ATRN: variants seen among roughly 807,000 people sequenced by gnomAD.
The protein encoded by ATRN is attractin, also known as attractin-2.
In ATRN, 54 loss-of-function variants were observed where a neutral mutation model predicts 178.7. The ratio of observed to expected loss-of-function variants is 0.30; its 90% CI spans 0.24 to 0.38. The LOEUF is 0.38. ATRN is among the 10% of genes least tolerant of loss of function. ATRN has a pLI of 1.00. For synonymous variants in ATRN, 636 were observed against 663.0 expected, an observed-to-expected ratio of 0.96 and a Z score of 0.63; for missense variants, 1,443 against 1,815.1, an observed-to-expected ratio of 0.79 and a Z score of 3.73.
chr20:3,591,393 G>T (rs1402035932), intron 19 of ATRN, 87 bp downstream of exon 19: 1 of 1,472,048 alleles, frequency 6.8e-7, no homozygotes, highest in East Asian at 2.4e-5. Context: ...GAGGAAAAAA[G>T]CCACTTTGTT....
At chr20:3,624,319 A>G (rs74485712) in intron 24 of ATRN, among the ~76,000 whole-genome samples, 192 bp from the exon 25 acceptor site, 1,902 of 152,366 alleles carry the variant, frequency 0.012, 28 homozygotes, top group Non-Finnish European at 0.016. Flanking sequence ...CTAAAGCCTC[A>G]GTGTATTGCT....
intron 26 of ATRN, among the ~76,000 whole-genome samples, chr20:3,635,192 G>T (rs983883711): frequency 6.6e-6 from 1 of 151,848 alleles, no homozygotes; most frequent in African/African-American, 2.4e-5. Context: ...TGATACAGTG[G>T]ATTTTGAGGA....
chr20:3,644,210 C>T lies in ATRN; in HGVS notation c.4107C>T (p.Leu1369=), dbSNP rs538248443. ...GTTTTGGCAACAAAGCCGCTGTCCT[C>T]TCTGTGTTTGTGAGGCTCCCTCGAG... ...EPCFGNKAAV[L]SVFVRLPRGL... The change falls in exon 28 of 29, where the codon CTC becomes CTT. Residue 1369 remains leucine (L), a synonymous_variant. Coordinates refer to ENST00000262919, the MANE Select transcript of ATRN (RefSeq NM_139321.3). 24 of 1,614,228 alleles carry T rather than the reference C, an allele frequency of 1.5e-5. No individual in the cohort carries two copies. The highest frequency in any genetic ancestry group is 1.9e-5 in the Non-Finnish European group (22 of 1,180,042).
At chr20:3,616,245 C>T (rs2086845773) in intron 24 of ATRN, among the ~76,000 whole-genome samples, 1 of 152,132 alleles carries the variant, frequency 6.6e-6, no homozygotes, top group Non-Finnish European at 1.5e-5. Context: ...TTGTCTCTAG[C>T]AGACTTCTCT....
intron 16 of ATRN, among the ~76,000 whole-genome samples, chr20:3,583,462 A>G (rs1003685834): frequency 1.3e-5 from 2 of 152,070 alleles, no homozygotes; most frequent in Non-Finnish European, 2.9e-5. Context: ...ATTGTTTTCT[A>G]TTTTCTCTCA....
intron 1 of ATRN, among the ~76,000 whole-genome samples, chr20:3,513,304 T>G (rs151508): frequency 0.27 from 40,588 of 152,120 alleles, 5,964 homozygotes; most frequent in African/African-American, 0.33. Context: ...AAGGAAGGGA[T>G]CCAGTTTCAG....
intron 1 of ATRN, among the ~76,000 whole-genome samples, chr20:3,475,159 T>G (rs1568675393): frequency 6.6e-6 from 1 of 152,214 alleles, no homozygotes; most frequent in Non-Finnish European, 1.5e-5. Flanking sequence ...TAAAAGACAT[T>G]AAATGAATAC....
chr20:3,616,734 A>C (rs984205936), intron 24 of ATRN, among the ~76,000 whole-genome samples: 1 of 152,142 alleles, frequency 6.6e-6, no homozygotes, highest in African/African-American at 2.4e-5. Context: ...CACTGGCAGC[A>C]GTTGGGAGTG....
rs1379509750 is a variant in ATRN, at chr20:3,471,035, G to T, written c.-73G>T. On this transcript the variant is annotated 5_prime_UTR_variant, in exon 1 of 29. Transcript: ENST00000262919. ...CCGTCCGCACAGCCCCGCCCCGCACGGCCAGGCGAAGCGGAGCCGGCCGTG... is the reference window on the plus strand; with the variant it reads ...CCGTCCGCACAGCCCCGCCCCGCACTGCCAGGCGAAGCGGAGCCGGCCGTG... 2.8e-6 allele frequency: 4 copies of T among 1,406,384 alleles called. No homozygotes were observed. The highest frequency in any genetic ancestry group is 1.5e-5 in the South Asian group (1 of 65,508). The allele number at this position is 1,406,384 out of a possible 1,614,324, so 87.1% of individuals were successfully genotyped here.
intron 1 of ATRN, among the ~76,000 whole-genome samples, chr20:3,498,009 G>A (rs1349415212): frequency 2.0e-5 from 3 of 151,970 alleles, no homozygotes; most frequent in Non-Finnish European, 2.9e-5. Flanking sequence ...TATCACCACC[G>A]ATCCCACAGA....
intron 6 of ATRN, among the ~76,000 whole-genome samples, chr20:3,550,955 CT>C (rs1410237525): frequency 6.6e-6 from 1 of 152,224 alleles, no homozygotes; most frequent in East Asian, 1.9e-4. Flanking sequence ...ACTGCAGCCC[CT>C]CCATAATCTC....
In ATRN at chr20:3,644,176, T is replaced by G. The variant is rs991807804; in HGVS notation, c.4073T>G (p.Leu1358Arg). Residue 1358 changes from leucine (L) to arginine (R), a missense_variant, in exon 28 of 29, where the codon CTG (leucine) becomes CGG (arginine). Leu to Arg is a moderately radical substitution (Grantham distance 102, BLOSUM62 -2). This residue lies in a region of ATRN where 289 missense variants were observed against 440.8 expected (regional missense o/e 0.66). Coordinates refer to ENST00000262919, the MANE Select transcript of ATRN (RefSeq NM_139321.3). ...CAGACTGTTCCCAAACCCATTGCACTGGAGCCGTGTTTTGGCAACAAAGCC... is the reference window on the plus strand; with the variant it reads ...CAGACTGTTCCCAAACCCATTGCACGGGAGCCGTGTTTTGGCAACAAAGCC... ...SIKTVPKPIA[L>R]EPCFGNKAAV... The G allele has an allele frequency of 2.2e-5, 36 of 1,614,060 alleles. No individual in the cohort carries two copies. Among genetic ancestry groups the G allele is most frequent in the Non-Finnish European group, 3.0e-5 (35 of 1,179,986 alleles).
rs148562814 is a variant in ATRN at position 3,559,470 on chromosome 20, T to C, written c.1190T>C (p.Leu397Ser). ...NNVVVRYGHS[L>S]ALYKDKIYMY... ...GTGGTTGTTAGATATGGTCATTCTTTGGCATTATACAAGGTAAAGCATCTC... is the reference window on the plus strand; with the variant it reads ...GTGGTTGTTAGATATGGTCATTCTTCGGCATTATACAAGGTAAAGCATCTC... Residue 397 changes from leucine to serine, a missense_variant, in exon 7 of 29, where the codon TTG becomes TCG. Transcript: ENST00000262919. 31 of 1,613,462 alleles carry C rather than the reference T, an allele frequency of 1.9e-5. No individual in the cohort carries two copies. In the African/African-American group the frequency reaches 3.1e-4, roughly 16 times the overall value.
intron 2 of ATRN, among the ~76,000 whole-genome samples, chr20:3,535,937 CA>C (rs1183945564): frequency 6.6e-6 from 1 of 151,872 alleles, no homozygotes; most frequent in Non-Finnish European, 1.5e-5. Flanking sequence ...GCCACGGTTC[CA>C]TATTTTTAAT....
chr20:3,471,235 TG>T lies in ATRN; in HGVS notation c.133del (p.Ala45ProfsTer94), dbSNP rs1450210046. 6 of 1,453,180 alleles carry T rather than the reference TG, an allele frequency of 4.1e-6. No homozygotes were observed. The highest frequency in any genetic ancestry group is 1.4e-5 in the South Asian group (1 of 72,756). 90.0% of individuals were successfully genotyped at this position (1,453,180 alleles called of 1,614,324 possible). On this transcript the variant is annotated frameshift_variant, in exon 1 of 29. Transcript: ENST00000262919. LOFTEE classifies it high-confidence loss of function. ...WDVTRAGRPG[L>X]GAGLRLPRLL... ...GTGACCAGGGCTGGGAGGCCGGGGC[TG>T]GGGGCCGGGCTGCGCCTCCCGCGGC...
rs553595318 is a variant in ATRN at position 3,486,598 on chromosome 20, T to A, written c.410+15081T>A. ...TAGTAGATATGGGGTTTCACTGTTG[T>A]CTCGAATTCCTGGCCTCAAGTAATC... On this transcript the variant is annotated intron_variant, in intron 1 of 28. Coordinates refer to ENST00000262919, the MANE Select transcript of ATRN (RefSeq NM_139321.3). Among the ~76,000 whole-genome samples the A allele has an allele frequency of 2.6e-5, 4 of 152,176 alleles. No homozygotes were observed. The South Asian group carries it at 8.3e-4, about 32-fold the overall frequency.
In ATRN at chr20:3,624,588, C is replaced by T. The variant is rs369446052; in HGVS notation, c.3863+16C>T. On this transcript the variant is annotated intron_variant, in intron 25 of 28. Transcript: ENST00000262919. ...CTTTCTTCAGGTAATTTTGCTTATA[C>T]AGACTCTCTCTGTTCTTTTGATTTA... 93 of 1,599,280 alleles carry T rather than the reference C, an allele frequency of 5.8e-5. No individual in the cohort carries two copies. The highest frequency in any genetic ancestry group is 7.2e-5 in the Non-Finnish European group (84 of 1,166,966).
In ATRN at chr20:3,559,430, C is replaced by G; in HGVS notation, c.1150C>G (p.Arg384Gly). The change falls in exon 7 of 29, where the codon CGT (arginine) becomes GGT (glycine). Residue 384 changes from arginine to glycine, a missense_variant. Transcript: ENST00000262919. Reference sequence around the variant, plus strand: ...TTCTAGGGAGTGGCTTCCACTAAACCGTTCTGTGAACAATGTGGTTGTTAG... The same window carrying G: ...TTCTAGGGAGTGGCTTCCACTAAACGGTTCTGTGAACAATGTGGTTGTTAG... ...LASREWLPLN[R>G]SVNNVVVRYG... is the part of the protein sequence containing the mutation. The G allele has an allele frequency of 6.2e-7, 1 of 1,613,872 alleles. No individual in the cohort carries two copies. The highest frequency in any genetic ancestry group is 8.5e-7 in the Non-Finnish European group (1 of 1,179,826).
chr20:3,640,958 T>A (rs1243768879), intron 27 of ATRN, among the ~76,000 whole-genome samples: 5 of 152,222 alleles, frequency 3.3e-5, no homozygotes, highest in African/African-American at 9.7e-5. Flanking sequence ...TGACCCATGC[T>A]ACAATGTGAT....
Sources: allele counts gnomAD v4.1 joint callset (sites outside exome capture counted in the v4.1 genomes callset), GRCh38; gene constraint gnomAD v4.1.1; regional missense constraint gnomAD v4.1.1; transcripts MANE v1.5; gene names NCBI Gene and HGNC (gene_info 2026-07-23, HGNC 2026-07-21).